Variants in URAD observed in about 807,000 individuals in gnomAD.
URAD encodes ureidoimidazoline (2-oxo-4-hydroxy-4-carboxy-5-) decarboxylase, also known as putative 2-oxo-4-hydroxy-4-carboxy-5-ureidoimidazoline decarboxylase.
Under a neutral mutation model 4.6 loss-of-function variants are expected in URAD, and 4 were observed. The observed-to-expected ratio is 0.87, with a 90% CI of 0.43 to 1.98. The LOEUF (loss-of-function observed/expected upper bound fraction) is 1.98. Ranked by LOEUF, URAD falls within the 30% of genes most tolerant of loss-of-function variation. The pLI is 0.03. For missense variants in URAD, 300 were observed against 255.3 expected, an observed-to-expected ratio of 1.18 and a Z score of -1.19; for synonymous variants, 144 against 118.2, an observed-to-expected ratio of 1.22 and a Z score of -1.41.
chr13:27,988,693 T>G lies in URAD; in HGVS notation c.-56A>C. 1.3e-6 allele frequency: 2 copies of G among 1,496,926 alleles called. No individual in the cohort carries two copies. Among genetic ancestry groups the G allele is most frequent in the Non-Finnish European group, 1.8e-6 (2 of 1,113,198 alleles). The allele number at this position is 1,496,926 out of a possible 1,614,324, so 92.7% of individuals were successfully genotyped here. On this transcript the variant is annotated 5_prime_UTR_variant, in exon 1 of 2. Coordinates refer to ENST00000332715, the MANE Select transcript of URAD (RefSeq NM_001105577.2). Reference sequence around the variant, plus strand: ...TCCAGCTCCCCTCTCGGTGAGTGAGTGACGCTGTCTCGGCTCACTCGGTTA... The same window carrying G: ...TCCAGCTCCCCTCTCGGTGAGTGAGGGACGCTGTCTCGGCTCACTCGGTTA...
At chr13:27,981,765 A>G (rs1028356861) in intron 1 of URAD, among the ~76,000 whole-genome samples, 14 of 152,180 alleles carry the variant, frequency 9.2e-5, no homozygotes, top group African/African-American at 3.4e-4. Flanking sequence ...CTTTCCTGTC[A>G]AAGACTTTGC....
Position 27,988,540 on chromosome 13 carries a change from C to T in URAD, c.98G>A (p.Trp33Ter). The change falls in exon 1 of 2, where the codon TGG becomes TAG. Residue 33 changes from tryptophan to a stop codon, truncating the protein, a stop_gained. Coordinates refer to ENST00000332715, the MANE Select transcript of URAD (RefSeq NM_001105577.2). LOFTEE classifies it high-confidence loss of function. ...ERCPLIAAAV[W>*]SQRPFSDLED... ...CAAATCAGAGAATGGCCGCTGGGACCAAACAGCAGCTGCAATCAGAGGACA... is the reference window on the plus strand; with the variant it reads ...CAAATCAGAGAATGGCCGCTGGGACTAAACAGCAGCTGCAATCAGAGGACA... 3.1e-6 allele frequency: 5 copies of T among 1,613,914 alleles called. No homozygotes were observed. The highest frequency in any genetic ancestry group is 4.2e-6 in the Non-Finnish European group (5 of 1,179,854).
rs1167280822 is a variant in URAD, at chr13:27,978,146, C to A, written c.482G>T (p.Arg161Leu). The change falls in exon 2 of 2, where the codon CGC becomes CTC. Residue 161 changes from arginine (R) to leucine (L), a missense_variant. Coordinates refer to ENST00000332715, the MANE Select transcript of URAD (RefSeq NM_001105577.2). Reference protein sequence around the residue: ...LGEVKKIGSLRLADLLRADPA... With the variant: ...LGEVKKIGSLLLADLLRADPA... ...GTCTGCGCGGAGGAGGTCGGCCAGG[C>A]GCAGGCTGCCGATCTTCTTCACCTC... 4 of 1,530,792 alleles carry A rather than the reference C, an allele frequency of 2.6e-6. No individual in the cohort carries two copies. The highest frequency in any genetic ancestry group is 2.6e-6 in the Non-Finnish European group (3 of 1,151,852). 94.8% of individuals were successfully genotyped at this position (1,530,792 alleles called of 1,614,324 possible).
intron 1 of URAD, among the ~76,000 whole-genome samples, chr13:27,983,720 T>C (rs982330620): frequency 3.3e-5 from 5 of 152,210 alleles, no homozygotes; most frequent in African/African-American, 1.2e-4. Flanking sequence ...CTGTCTCTCT[T>C]CACTAGAATG....
At chr13:27,978,610 C>A (rs965625954) in intron 1 of URAD, among the ~76,000 whole-genome samples, 158 bp from the exon 2 acceptor site, 1 of 152,196 alleles carries the variant, frequency 6.6e-6, no homozygotes, top group Non-Finnish European at 1.5e-5. Flanking sequence ...AGTACCCAGG[C>A]GGTGATGTCC....
rs938187626 is a variant in URAD at position 27,977,992 on chromosome 13, C to A, written c.*114G>T. The A allele has an allele frequency of 1.2e-6, 1 of 832,296 alleles. No individual in the cohort carries two copies. The highest frequency in any genetic ancestry group is 1.8e-5 in the African/African-American group (1 of 55,018). The allele number at this position is 832,296 out of a possible 1,614,324, so 51.6% of individuals were successfully genotyped here. A position where few individuals can be genotyped will look rare whatever the true frequency, so the allele number is the denominator to read the frequency against. On this transcript the variant is annotated 3_prime_UTR_variant, in exon 2 of 2. Coordinates refer to ENST00000332715, the MANE Select transcript of URAD (RefSeq NM_001105577.2). ...CTCAATTCTCCACTTCCTTTGTGCA[C>A]GTGTGTGGACGCTGTTCCAGGCCCG...
rs779387448 is a variant in URAD, at chr13:27,978,148, C to T, written c.480G>A (p.Leu160=). The stretch of plus-strand genomic sequence containing the variant: ...CTGCGCGGAGGAGGTCGGCCAGGCG[C>T]AGGCTGCCGATCTTCTTCACCTCGC... ...ALGEVKKIGS[L]RLADLLRADP... Residue 160 remains leucine, a synonymous_variant, in exon 2 of 2, where the codon CTG becomes CTA. Transcript: ENST00000332715. 6.5e-7 allele frequency: 1 copy of T among 1,532,074 alleles called. No individual in the cohort carries two copies. Among genetic ancestry groups the T allele is most frequent in the East Asian group, 2.7e-5 (1 of 37,088 alleles). 94.9% of individuals were successfully genotyped at this position (1,532,074 alleles called of 1,614,324 possible). A position where few individuals can be genotyped will look rare whatever the true frequency, so the allele number is the denominator to read the frequency against.
chr13:27,978,382 G>T lies in URAD; in HGVS notation c.246C>A (p.Ala82=). ...CGCCGCTCTGTTCCCGCTGCGACTCGGCCGTGAGCGTGCCCCGCTGCAGCT... is the reference window on the plus strand; with the variant it reads ...CGCCGCTCTGTTCCCGCTGCGACTCTGCCGTGAGCGTGCCCCGCTGCAGCT... ...GSELQRGTLT[A]ESQREQSGAG... Residue 82 remains alanine (A), a synonymous_variant, in exon 2 of 2, where the codon GCC becomes GCA. Transcript: ENST00000332715. The T allele has an allele frequency of 1.4e-6, 2 of 1,401,290 alleles. No individual in the cohort carries two copies. Among genetic ancestry groups the T allele is most frequent in the Non-Finnish European group, 9.2e-7 (1 of 1,083,766 alleles). The allele number at this position is 1,401,290 out of a possible 1,614,324, so 86.8% of individuals were successfully genotyped here.
In URAD at chr13:27,978,295, G is replaced by T; in HGVS notation, c.333C>A (p.Tyr111Ter). The change falls in exon 2 of 2, where the codon TAC (tyrosine) becomes TAA (stop). Residue 111 changes from tyrosine to a stop codon, truncating the protein, a stop_gained. Transcript: ENST00000332715. LOFTEE classifies it low-confidence loss of function (END_TRUNC). ...RLRLAELNAQYRARFGFPFVL... is the reference protein window; with the variant it reads ...RLRLAELNAQ ...CGAAGGGGAAACCGAAGCGCGCGCG[G>T]TACTGCGCGTTGAGCTCGGCCAGCC... is the stretch of plus-strand genomic sequence containing the variant. 1 of 1,410,368 alleles carries T rather than the reference G, an allele frequency of 7.1e-7. No individual in the cohort carries two copies. 87.4% of individuals were successfully genotyped at this position (1,410,368 alleles called of 1,614,324 possible). A position where few individuals can be genotyped will look rare whatever the true frequency, so the allele number is the denominator to read the frequency against.
chr13:27,978,217 G>A lies in URAD; in HGVS notation c.411C>T (p.Arg137=). The A allele has an allele frequency of 6.8e-7, 1 of 1,477,082 alleles. No individual in the cohort carries two copies. Among genetic ancestry groups the A allele is most frequent in the Non-Finnish European group, 8.9e-7 (1 of 1,124,818 alleles). 91.5% of individuals were successfully genotyped at this position (1,477,082 alleles called of 1,614,324 possible). A position where few individuals can be genotyped will look rare whatever the true frequency, so the allele number is the denominator to read the frequency against. ...DRTAVPRELA[R]RLLCPSAQEL... is the part of the protein sequence containing the mutation. Reference sequence around the variant, plus strand: ...CCTGCGCGGACGGGCAGAGCAGCCGGCGCGCCAGCTCGCGCGGCACCGCCG... The same window carrying A: ...CCTGCGCGGACGGGCAGAGCAGCCGACGCGCCAGCTCGCGCGGCACCGCCG... Residue 137 remains arginine (R), a synonymous_variant, in exon 2 of 2, where the codon CGC becomes CGT. Coordinates refer to ENST00000332715, the MANE Select transcript of URAD (RefSeq NM_001105577.2).
chr13:27,984,714 C>T (rs987569283), intron 1 of URAD, among the ~76,000 whole-genome samples: 1 of 152,210 alleles, frequency 6.6e-6, no homozygotes, highest in African/African-American at 2.4e-5. Flanking sequence ...CGCGGTGGCT[C>T]ACACCAGTAA....
chr13:27,984,079 G>A (rs1360675481), intron 1 of URAD, among the ~76,000 whole-genome samples: 3 of 151,862 alleles, frequency 2.0e-5, no homozygotes, highest in African/African-American at 4.8e-5. Flanking sequence ...CAGGGTTCTC[G>A]CTCTGTCATC....
At position 27,988,458 on chromosome 13, in the gene URAD, C is replaced by T. The variant is rs375493324; in HGVS notation, c.175+5G>A. The T allele has an allele frequency of 8.8e-6, 14 of 1,588,040 alleles. No individual in the cohort carries two copies. The highest frequency in any genetic ancestry group is 9.4e-6 in the Non-Finnish European group (11 of 1,168,920). ...TGCAGAGAATGTCTGATACGGAAGC[C>T]TTACCTGACTGTGCAAGGGCATCAA... On this transcript the variant is annotated splice_donor_5th_base_variant and intron_variant, in intron 1 of 1. Coordinates refer to ENST00000332715, the MANE Select transcript of URAD (RefSeq NM_001105577.2).
intron 1 of URAD, among the ~76,000 whole-genome samples, chr13:27,987,829 C>T (rs142430664): frequency 8.0e-4 from 122 of 151,956 alleles, no homozygotes; most frequent in Middle Eastern, 3.4e-3. Context: ...ACTTACTGAA[C>T]CTTCCAAAGG....
chr13:27,982,825 A>G (rs890754559), intron 1 of URAD, among the ~76,000 whole-genome samples: 1 of 152,160 alleles, frequency 6.6e-6, no homozygotes, highest in Non-Finnish European at 1.5e-5. Context: ...AGGAGTGACC[A>G]TTCAGCTCTG....
At chr13:27,981,913 C>G (rs930678071) in intron 1 of URAD, among the ~76,000 whole-genome samples, 4 of 152,164 alleles carry the variant, frequency 2.6e-5, no homozygotes, top group Non-Finnish European at 5.9e-5. Context: ...TTGTTTCTCC[C>G]TATTTCTCTG....
chr13:27,981,666 G>A (rs913333633), intron 1 of URAD, among the ~76,000 whole-genome samples: 15 of 152,268 alleles, frequency 9.9e-5, no homozygotes, highest in African/African-American at 3.6e-4. Flanking sequence ...ATACCCAGTG[G>A]TATCTGGGTA....
intron 1 of URAD, among the ~76,000 whole-genome samples, chr13:27,984,704 C>T (rs566179537): frequency 2.0e-5 from 3 of 152,278 alleles, no homozygotes; most frequent in Middle Eastern, 3.4e-3. Flanking sequence ...TAAGGCTGGG[C>T]GCGGTGGCTC....
chr13:27,986,321 T>G (rs1870026965), intron 1 of URAD, among the ~76,000 whole-genome samples: 1 of 152,180 alleles, frequency 6.6e-6, no homozygotes, highest in African/African-American at 2.4e-5. Context: ...TGATCTGGGA[T>G]TCTGACACTA....
Sources: allele counts gnomAD v4.1 joint callset (sites outside exome capture counted in the v4.1 genomes callset), GRCh38; gene constraint gnomAD v4.1.1; transcripts MANE v1.5; gene names NCBI Gene and HGNC (gene_info 2026-07-23, HGNC 2026-07-21).